Variants in PXK observed in about 807,000 individuals in gnomAD.
The protein encoded by PXK is PX domain containing serine/threonine kinase like, also known as PX domain-containing protein kinase-like protein.
Under a neutral mutation model 84.7 loss-of-function variants are expected in PXK, and 35 were observed. The ratio of observed to expected loss-of-function variants is 0.41; its 90% CI spans 0.32 to 0.55. The LOEUF is 0.55. Among genes scored for constraint, PXK ranks in the 20% least tolerant of loss-of-function variants. The pLI, the probability that PXK is intolerant of heterozygous loss-of-function variation, is 0.21. For missense variants in PXK, 634 were observed against 699.7 expected (o/e 0.91, Z 1.06); for synonymous variants, 253 against 260.8 (o/e 0.97, Z 0.29).
Position 58,409,732 on chromosome 3 carries a change from G to A in PXK, c.1395+114G>A. ...GATGCTGTGCTATATCTCCTTGAAA[G>A]CTAAGACTATTTCCAGATGACTGGG... On this transcript the variant is annotated intron_variant, in intron 15 of 17. Transcript: ENST00000356151. The surrounding 1 kb of genome is among the most constrained non-coding windows in gnomAD (Gnocchi z 4.2). The A allele has an allele frequency of 2.4e-6, 2 of 845,668 alleles. No individual in the cohort carries two copies. The highest frequency in any genetic ancestry group is 1.8e-6 in the Non-Finnish European group (1 of 556,934). 52.4% of individuals were successfully genotyped at this position (845,668 alleles called of 1,614,324 possible).
intron 12 of PXK, among the ~76,000 whole-genome samples, chr3:58,402,076 G>A (rs1270697479): frequency 1.3e-5 from 2 of 151,958 alleles, no homozygotes; most frequent in African/African-American, 4.8e-5. Context: ...TAGGGGAGGG[G>A]CAGGAGGCAT....
At position 58,379,678 on chromosome 3, in the gene PXK, A is replaced by G. The variant is rs1301036286; in HGVS notation, c.202-2836A>G. Among the ~76,000 whole-genome samples the G allele has an allele frequency of 6.6e-6, 1 of 152,224 alleles. No individual in the cohort carries two copies. Among genetic ancestry groups the G allele is most frequent in the Non-Finnish European group, 1.5e-5 (1 of 68,040 alleles). On this transcript the variant is annotated intron_variant, in intron 3 of 17. Transcript: ENST00000356151. The surrounding 1 kb of genome is among the most constrained non-coding windows in gnomAD (Gnocchi z 5.1). ...AGAGATAAGAAATGGTATTACATTCAAGGTGCTATTAAGGAAGAAAAAGAA... is the reference window on the plus strand; with the variant it reads ...AGAGATAAGAAATGGTATTACATTCGAGGTGCTATTAAGGAAGAAAAAGAA...
Position 58,409,423 on chromosome 3 carries a change from G to C in PXK, c.1309-109G>C. On this transcript the variant is annotated intron_variant, in intron 14 of 17. Coordinates refer to ENST00000356151, the MANE Select transcript of PXK (RefSeq NM_017771.5). This position sits in a 1 kb window ranked among gnomAD's most constrained non-coding sequence, Gnocchi z 4.2. ...GAAGTAGACAGCCTGAGCAAGGAAA[G>C]ATTTTCTTTTATCCCAATAAAATGT... The C allele has an allele frequency of 9.7e-7, 1 of 1,028,094 alleles. No individual in the cohort carries two copies. The highest frequency in any genetic ancestry group is 2.3e-5 in the Admixed American group (1 of 42,950). 63.7% of individuals were successfully genotyped at this position (1,028,094 alleles called of 1,614,324 possible). A position where few individuals can be genotyped will look rare whatever the true frequency, so the allele number is the denominator to read the frequency against.
At chr3:58,335,018 GGTGTGTGTGTGTGTGTGTGTGTGT>G (rs375780661) in intron 1 of PXK, among the ~76,000 whole-genome samples, 1 of 106,502 alleles carries the variant, frequency 9.4e-6, no homozygotes, top group Admixed American at 1.1e-4. Context: ...TGTCCAGGCT[GGTGTGTGTGTGTGTGTGTGTGTGT>G]GTGTGTGTGT....
chr3:58,361,019 G>A (rs1035250797), intron 1 of PXK, among the ~76,000 whole-genome samples: 2 of 151,662 alleles, frequency 1.3e-5, no homozygotes, highest in African/African-American at 2.4e-5. Context: ...CATTTTGGCC[G>A]GGCGCGGTGG....
intron 4 of PXK, among the ~76,000 whole-genome samples, chr3:58,384,022 C>T (rs558227052): frequency 4.9e-4 from 75 of 152,282 alleles, no homozygotes; most frequent in African/African-American, 1.7e-3. Flanking sequence ...ACCTGGGGAG[C>T]GTTAGAAAAA....
At chr3:58,378,179 C>G (rs1400871356) in intron 3 of PXK, among the ~76,000 whole-genome samples, 2 of 152,158 alleles carry the variant, frequency 1.3e-5, no homozygotes, top group Non-Finnish European at 2.9e-5. Flanking sequence ...CCTTCTTCCT[C>G]TCAACTCCCA....
rs963644939 is a variant in PXK at position 58,383,940 on chromosome 3, A to C, written c.388+1240A>C. 2.0e-5 allele frequency among the ~76,000 whole-genome samples: 3 copies of C among 152,106 alleles called. No individual in the cohort carries two copies. The highest frequency in any genetic ancestry group is 7.2e-5 in the African/African-American group (3 of 41,412). On this transcript the variant is annotated intron_variant, in intron 4 of 17. Transcript: ENST00000356151. This position sits in a 1 kb window ranked among gnomAD's most constrained non-coding sequence, Gnocchi z 4.0. ...TTATTCATACCCATTCATTCACCAA[A>C]ATATTCCTATTTCAGAGAGGGGAAA...
intron 9 of PXK, among the ~76,000 whole-genome samples, chr3:58,396,262 CAT>C (rs1013463376): frequency 1.8e-4 from 27 of 152,160 alleles, no homozygotes; most frequent in African/African-American, 6.5e-4. Flanking sequence ...TATGCACATA[CAT>C]ATATGTGTAT....
intron 1 of PXK, among the ~76,000 whole-genome samples, chr3:58,343,826 A>G (rs1161993872): frequency 1.3e-5 from 2 of 152,194 alleles, no homozygotes; most frequent in Non-Finnish European, 2.9e-5. Context: ...TAAAGCTCTT[A>G]TGTACTGCTG....
intron 1 of PXK, among the ~76,000 whole-genome samples, chr3:58,363,337 A>G (rs2098219892): frequency 1.3e-5 from 2 of 152,062 alleles, no homozygotes; most frequent in Non-Finnish European, 2.9e-5. Context: ...GTTGAACTCA[A>G]TTAATTAATT....
Position 58,409,791 on chromosome 3 carries a change from A to G in PXK, c.1395+173A>G, listed in dbSNP as rs1234588727. On this transcript the variant is annotated intron_variant, in intron 15 of 17. Transcript: ENST00000356151. The surrounding 1 kb of genome is among the most constrained non-coding windows in gnomAD (Gnocchi z 4.2). ...TTTTTGGGGAAAAAAAAAGAGTCAT[A>G]TGATAATCAGCCGAGAAATAGCCCA... Among the ~76,000 whole-genome samples the G allele has an allele frequency of 6.6e-6, 1 of 151,916 alleles. No individual in the cohort carries two copies. Among genetic ancestry groups the G allele is most frequent in the African/African-American group, 2.4e-5 (1 of 41,342 alleles).
rs1254246619 is a variant in PXK at position 58,333,542 on chromosome 3, C to G, written c.102+452C>G. 2 of 456,540 alleles carry G rather than the reference C, an allele frequency of 4.4e-6. No individual in the cohort carries two copies. The highest frequency in any genetic ancestry group is 8.8e-6 in the Non-Finnish European group (2 of 226,940). 28.3% of individuals were successfully genotyped at this position (456,540 alleles called of 1,614,324 possible). On this transcript the variant is annotated intron_variant, in intron 1 of 17. Coordinates refer to ENST00000356151, the MANE Select transcript of PXK (RefSeq NM_017771.5). This position sits in a 1 kb window ranked among gnomAD's most constrained non-coding sequence, Gnocchi z 5.4. ...CTGGGTGATGGGGATGAGGGTGTGC[C>G]GGGCCAAATGAAGTGTGACTCCAGA...
In PXK at chr3:58,385,655, T is replaced by G. The variant is rs1310128441; in HGVS notation, c.388+2955T>G. ...CTGGGATTACAAGTGCACACCACCA[T>G]GCCCAGCTAATTTTTTCATTGTTTG... On this transcript the variant is annotated intron_variant, in intron 4 of 17. Coordinates refer to ENST00000356151, the MANE Select transcript of PXK (RefSeq NM_017771.5). This position sits in a 1 kb window ranked among gnomAD's most constrained non-coding sequence, Gnocchi z 5.1. Among the ~76,000 whole-genome samples the G allele has an allele frequency of 6.6e-6, 1 of 152,178 alleles. No individual in the cohort carries two copies. Among genetic ancestry groups the G allele is most frequent in the African/African-American group, 2.4e-5 (1 of 41,446 alleles).
Position 58,397,323 on chromosome 3 carries a change from C to T in PXK, c.984+123C>T, listed in dbSNP as rs941941523. 2 of 1,182,564 alleles carry T rather than the reference C, an allele frequency of 1.7e-6. No homozygotes were observed. Among genetic ancestry groups the T allele is most frequent in the Non-Finnish European group, 2.4e-6 (2 of 827,370 alleles). 73.3% of individuals were successfully genotyped at this position (1,182,564 alleles called of 1,614,324 possible). On this transcript the variant is annotated intron_variant, in intron 10 of 17. Transcript: ENST00000356151. The surrounding 1 kb of genome is among the most constrained non-coding windows in gnomAD (Gnocchi z 4.7). ...TATAGTTGGGACAGGCCTTGCCCGT[C>T]AGCCCTTGCAGCGTTGCTGTATCTC...
chr3:58,405,007 C>A (rs1184722854), intron 13 of PXK, among the ~76,000 whole-genome samples: 1 of 152,196 alleles, frequency 6.6e-6, no homozygotes, highest in Non-Finnish European at 1.5e-5. Context: ...TAAATATATT[C>A]TCCTCCAACC....
chr3:58,403,567 A>G (rs2058934664), intron 12 of PXK, among the ~76,000 whole-genome samples: 1 of 152,244 alleles, frequency 6.6e-6, no homozygotes, highest in Non-Finnish European at 1.5e-5. Context: ...GCAAATTAGC[A>G]TTCGCAAAAG....
chr3:58,396,135 G>A (rs1192285550), intron 9 of PXK, among the ~76,000 whole-genome samples: 1 of 152,090 alleles, frequency 6.6e-6, no homozygotes, highest in Non-Finnish European at 1.5e-5. Flanking sequence ...AAGGCTTTCC[G>A]ACATCACCCT....
intron 2 of PXK, 147 bp downstream of exon 2, chr3:58,366,071 T>A: frequency 2.8e-6 from 2 of 709,684 alleles, no homozygotes; most frequent in Non-Finnish European, 4.5e-6. Context: ...CTTTTAGCTT[T>A]AAGACAAGTA....
Sources: allele counts gnomAD v4.1 joint callset (sites outside exome capture counted in the v4.1 genomes callset), GRCh38; gene constraint gnomAD v4.1.1; non-coding constraint Gnocchi (gnomAD v3.1); transcripts MANE v1.5; gene names NCBI Gene and HGNC (gene_info 2026-07-23, HGNC 2026-07-21).